NSUN6: variants seen among roughly 807,000 people sequenced by gnomAD.
NSUN6 encodes tRNA (cytosine(72)-C(5))-methyltransferase NSUN6.
In NSUN6, 64 loss-of-function variants were observed where a neutral mutation model predicts 58.0. The observed-to-expected ratio is 1.10, with a 90% CI of 0.90 to 1.36. NSUN6 has a LOEUF of 1.36. Among genes scored for constraint, NSUN6 ranks in the 40% most tolerant of loss-of-function variants. The pLI is 0.00. For missense variants in NSUN6, 701 were observed against 550.1 expected, an observed-to-expected ratio of 1.27 and a Z score of -2.74; for synonymous variants, 231 against 193.9, an observed-to-expected ratio of 1.19 and a Z score of -1.59.
chr10:18,642,993 T>C (rs1381910505), intron 2 of NSUN6, among the ~76,000 whole-genome samples: 2 of 151,984 alleles, frequency 1.3e-5, no homozygotes, highest in African/African-American at 2.4e-5. Context: ...GAAATGTTTA[T>C]GGTAGAGGTT....
chr10:18,623,370 G>A (rs1268100514), intron 3 of NSUN6, among the ~76,000 whole-genome samples: 1 of 152,118 alleles, frequency 6.6e-6, no homozygotes. Flanking sequence ...AAAAATCTGA[G>A]GAGAAAATTC....
intron 7 of NSUN6, 59 bp downstream of exon 7, chr10:18,596,149 T>C: frequency 6.9e-7 from 1 of 1,447,994 alleles, no homozygotes; most frequent in Non-Finnish European, 9.6e-7. Context: ...GTTTCAGAAA[T>C]TACACATTGT....
intron 6 of NSUN6, among the ~76,000 whole-genome samples, chr10:18,602,427 G>A (rs2057881029): frequency 6.6e-6 from 1 of 151,920 alleles, no homozygotes; most frequent in Non-Finnish European, 1.5e-5. Context: ...GTAGAGATGG[G>A]GTTTCACCGT....
intron 2 of NSUN6, among the ~76,000 whole-genome samples, chr10:18,647,725 GTTTTTTTTTTTTTT>G (rs571301351): frequency 1.0e-5 from 1 of 100,096 alleles, no homozygotes; most frequent in African/African-American, 4.0e-5. Flanking sequence ...TCAACACCTT[GTTTTTTTTTTTTTT>G]TTTTTTTTTT....
At chr10:18,656,066 G>A (rs2059774082), upstream of NSUN6, among the ~76,000 whole-genome samples, 2 of 152,314 alleles carry the variant, frequency 1.3e-5, no homozygotes, top group East Asian at 1.9e-4. Flanking sequence ...AATGATAGGA[G>A]CGAGACGTGA....
chr10:18,566,586 CTCCAT>C (rs1197737516), intron 8 of NSUN6, among the ~76,000 whole-genome samples: 1 of 149,898 alleles, frequency 6.7e-6, no homozygotes, highest in Non-Finnish European at 1.5e-5. Context: ...GCATTCTACT[CTCCAT>C]TCCATTCCAT....
chr10:18,643,201 G>A (rs1281016442), intron 2 of NSUN6, among the ~76,000 whole-genome samples: 1 of 151,414 alleles, frequency 6.6e-6, no homozygotes, highest in Non-Finnish European at 1.5e-5. Context: ...CCACAAATTG[G>A]GGTTATTTTT....
intron 3 of NSUN6, among the ~76,000 whole-genome samples, chr10:18,617,482 C>T (rs1306441543): frequency 6.6e-6 from 1 of 152,140 alleles, no homozygotes; most frequent in African/African-American, 2.4e-5. Flanking sequence ...GCCACCACGC[C>T]CAGCTTAGAC....
At chr10:18,577,244 T>C (rs965150020) in intron 8 of NSUN6, among the ~76,000 whole-genome samples, 2 of 152,202 alleles carry the variant, frequency 1.3e-5, no homozygotes, top group Non-Finnish European at 2.9e-5. Context: ...CTCAATGTTG[T>C]ACCTTCATCC....
At chr10:18,652,817 C>G (rs1310570283), upstream of NSUN6, 2 of 779,012 alleles carry the variant, frequency 2.6e-6, no homozygotes, top group African/African-American at 3.8e-5. Flanking sequence ...CTCTAGCCTC[C>G]CAAAGTGCTG....
At chr10:18,546,224 C>G in intron 10 of NSUN6, 79 bp from the exon 11 acceptor site, 5 of 1,000,780 alleles carry the variant, frequency 5.0e-6, no homozygotes, top group South Asian at 3.9e-5. Context: ...AGTTAAAAGA[C>G]AAATTGGGCT....
intron 3 of NSUN6, among the ~76,000 whole-genome samples, chr10:18,626,940 G>T (rs943735083): frequency 1.3e-5 from 2 of 152,192 alleles, no homozygotes; most frequent in Non-Finnish European, 2.9e-5. Flanking sequence ...TATCAAAAAG[G>T]GAGGAGCACG....
intron 5 of NSUN6, among the ~76,000 whole-genome samples, chr10:18,614,206 A>G (rs1236508787): frequency 6.6e-6 from 1 of 152,158 alleles, no homozygotes; most frequent in Non-Finnish European, 1.5e-5. Context: ...TGAAAAAAAT[A>G]AAATTCAGAA....
intron 8 of NSUN6, among the ~76,000 whole-genome samples, chr10:18,576,529 T>C (rs905596609): frequency 3.9e-5 from 6 of 152,176 alleles, no homozygotes; most frequent in African/African-American, 1.4e-4. Flanking sequence ...AAAACTCTTT[T>C]CCAGGATTCT....
chr10:18,597,044 T>C (rs2057616657), intron 6 of NSUN6, among the ~76,000 whole-genome samples: 1 of 152,000 alleles, frequency 6.6e-6, no homozygotes, highest in Non-Finnish European at 1.5e-5. Flanking sequence ...TGAACTAAAA[T>C]GCAAAAACAA....
chr10:18,648,397 G>A, intron 2 of NSUN6, 93 bp downstream of exon 2: 1 of 732,152 alleles, frequency 1.4e-6, no homozygotes, highest in Non-Finnish European at 2.3e-6. Flanking sequence ...TGTAAAACTG[G>A]AAGTGTATTA....
At chr10:18,606,670 C>A (rs1407325688) in intron 6 of NSUN6, among the ~76,000 whole-genome samples, 1 of 152,058 alleles carries the variant, frequency 6.6e-6, no homozygotes, top group Non-Finnish European at 1.5e-5. Context: ...ACTGTCTTTG[C>A]AAATCTATAA....
At chr10:18,554,846 G>A (rs939015147) in intron 8 of NSUN6, among the ~76,000 whole-genome samples, 1 of 151,586 alleles carries the variant, frequency 6.6e-6, no homozygotes, top group Non-Finnish European at 1.5e-5. Context: ...GGCATGGAAT[G>A]GAATGGAGAA....
chr10:18,560,626 G>A (rs1343311632), intron 8 of NSUN6, among the ~76,000 whole-genome samples: 3 of 148,002 alleles, frequency 2.0e-5, no homozygotes, highest in Non-Finnish European at 1.5e-5. Context: ...AGTAGAGAAT[G>A]GAATATAAAG....
Sources: gnomAD v4.1 joint callset for allele counts (sites outside exome capture counted in the v4.1 genomes callset) on GRCh38, gnomAD v4.1.1 for gene constraint, MANE v1.5 for transcripts, NCBI Gene and HGNC (gene_info 2026-07-23, HGNC 2026-07-21) for gene names.